The following UNC5C variants were observed in gnomAD, a reference collection of about 807,000 sequenced individuals.
UNC5C encodes netrin receptor UNC5C.
A neutral mutation model predicts 99.8 loss-of-function variants in UNC5C; 47 were observed. The ratio of observed to expected loss-of-function variants is 0.47; its 90% confidence interval spans 0.37 to 0.60. The LOEUF (loss-of-function observed/expected upper bound fraction) is 0.60. Ranked by LOEUF, UNC5C falls within the 20% of genes least tolerant of loss-of-function variation. The probability of loss-of-function intolerance (pLI) is 0.00; values close to 1 mark genes in which losing one functional copy is unlikely to be tolerated. For synonymous variants in UNC5C, 487 were observed against 452.2 expected (o/e 1.08, Z -0.98); for missense variants, 1,062 against 1,165.9 (o/e 0.91, Z 1.30).
At chr4:95,516,412 C>T (rs1355215279) in intron 1 of UNC5C, among the ~76,000 whole-genome samples, 1 of 152,138 alleles carries the variant, frequency 6.6e-6, no homozygotes, top group African/African-American at 2.4e-5. Context: ...ATATGCTGAG[C>T]ACTGAGTGTC....
chr4:95,526,574 A>G (rs1451588698), intron 1 of UNC5C, among the ~76,000 whole-genome samples: 1 of 152,104 alleles, frequency 6.6e-6, no homozygotes, highest in African/African-American at 2.4e-5. Flanking sequence ...TAAGTAATAC[A>G]AATGTCTCAT....
intron 4 of UNC5C, among the ~76,000 whole-genome samples, chr4:95,265,089 C>T (rs1740393496): frequency 1.3e-5 from 2 of 152,078 alleles, no homozygotes; most frequent in Non-Finnish European, 2.9e-5. Context: ...GACAAAGGGC[C>T]CAAGAATCAG....
chr4:95,221,847 G>T (rs577316496), intron 7 of UNC5C, among the ~76,000 whole-genome samples: 3 of 152,102 alleles, frequency 2.0e-5, no homozygotes, highest in Non-Finnish European at 4.4e-5. Context: ...TACTTTACCA[G>T]GTCATAGTTA....
chr4:95,522,467 A>T (rs1722385538), intron 1 of UNC5C, among the ~76,000 whole-genome samples: 1 of 152,062 alleles, frequency 6.6e-6, no homozygotes, highest in African/African-American at 2.4e-5. Flanking sequence ...GTTTGGGAGG[A>T]AGAGAGGGAG....
At chr4:95,421,916 TAC>T (rs1746330345) in intron 1 of UNC5C, among the ~76,000 whole-genome samples, 1 of 152,212 alleles carries the variant, frequency 6.6e-6, no homozygotes, top group South Asian at 2.1e-4. Flanking sequence ...AATACTTTAC[TAC>T]TAAGACAGGA....
Position 95,165,552 on chromosome 4 carries a change from A to G in UNC5C, c.*3682T>C, listed in dbSNP as rs1735827432. 1 of 152,192 alleles carries G rather than the reference A, an allele frequency of 6.6e-6. No individual in the cohort carries two copies. Among genetic ancestry groups the G allele is most frequent in the African/African-American group, 2.4e-5 (1 of 41,456 alleles). The allele number at this position is 152,192 out of a possible 1,614,324, so 9.4% of individuals were successfully genotyped here. ...AATCCAACTTCTATTCCTTCCAGAT[A>G]CATTAAGGAAACTTGAAAGAGTGTG... On this transcript the variant is annotated 3_prime_UTR_variant, in exon 16 of 16. Coordinates refer to ENST00000453304, the MANE Select transcript of UNC5C (RefSeq NM_003728.4).
rs559771140 is a variant in UNC5C, at chr4:95,412,027, G to T, written c.125-76396C>A. The stretch of plus-strand genomic sequence containing the variant: ...AAAACCTAATTCTAGTCATGTCAGT[G>T]TCTGCTTTAAATCTGACCTATTTCT... On this transcript the variant is annotated intron_variant, in intron 1 of 15. Transcript: ENST00000453304. Among the ~76,000 whole-genome samples the T allele has an allele frequency of 2.7e-5, 4 of 147,580 alleles. No individual in the cohort carries two copies. The East Asian group carries it at 7.9e-4, about 29-fold the overall frequency.
chr4:95,349,757 G>A (rs1213099841), intron 1 of UNC5C, among the ~76,000 whole-genome samples: 1 of 151,926 alleles, frequency 6.6e-6, no homozygotes, highest in African/African-American at 2.4e-5. Context: ...GTACTTGTAA[G>A]TATAATGTGT....
intron 10 of UNC5C, among the ~76,000 whole-genome samples, chr4:95,207,324 T>G (rs13103353): frequency 0.069 from 10,570 of 152,288 alleles, 490 homozygotes; most frequent in Non-Finnish European, 0.11. Flanking sequence ...AGATTCATTC[T>G]TTCAAATATG....
At chr4:95,265,504 G>A (rs754366200) in intron 4 of UNC5C, among the ~76,000 whole-genome samples, 4 of 152,118 alleles carry the variant, frequency 2.6e-5, no homozygotes, top group Non-Finnish European at 4.4e-5. Context: ...TATGAAGTGT[G>A]TATAAATAAT....
At chr4:95,228,409 A>G (rs1738774677) in intron 7 of UNC5C, among the ~76,000 whole-genome samples, 1 of 152,250 alleles carries the variant, frequency 6.6e-6, no homozygotes. Context: ...GAGAAATGTC[A>G]TAACTTCTGA....
At chr4:95,301,454 C>T in intron 3 of UNC5C, 152 bp downstream of exon 3, 3 of 1,009,298 alleles carry the variant, frequency 3.0e-6, no homozygotes, top group Non-Finnish European at 4.2e-6. Flanking sequence ...CTCGGCCTCC[C>T]AAAGTGCTGG....
chr4:95,414,476 G>C (rs185831460), intron 1 of UNC5C, among the ~76,000 whole-genome samples: 1 of 152,276 alleles, frequency 6.6e-6, no homozygotes, highest in Admixed American at 6.5e-5. Flanking sequence ...GGCAATGGGA[G>C]GTCTTACCTG....
chr4:95,457,816 G>T lies in UNC5C; in HGVS notation c.124+90918C>A, dbSNP rs188866662. On this transcript the variant is annotated intron_variant, in intron 1 of 15. Coordinates refer to ENST00000453304, the MANE Select transcript of UNC5C (RefSeq NM_003728.4). ...CAGCGAATTCTGCTTTACAACACAA[G>T]AAACTGAATTCTGTCTACAACCACA... Among the ~76,000 whole-genome samples, 130 of 152,212 alleles carry T rather than the reference G, an allele frequency of 8.5e-4. 1 individual carries two copies. Among genetic ancestry groups the T allele is most frequent in the Non-Finnish European group, 1.6e-3 (110 of 68,000 alleles).
At chr4:95,191,382 T>C (rs1214741807) in intron 12 of UNC5C, among the ~76,000 whole-genome samples, 1 of 152,136 alleles carries the variant, frequency 6.6e-6, no homozygotes, top group African/African-American at 2.4e-5. Context: ...TATTAGAGTA[T>C]GACAAGTCTG....
chr4:95,389,957 T>G (rs755135984), intron 1 of UNC5C, among the ~76,000 whole-genome samples: 102 of 152,154 alleles, frequency 6.7e-4, no homozygotes, highest in Non-Finnish European at 1.3e-3. Flanking sequence ...TAGTGCCCAT[T>G]ATGGTTCTAT....
rs869165569 is a variant in UNC5C at position 95,356,213 on chromosome 4, C to CA, written c.125-20583dup. ...TGTAGCAAAAAAAAAAAAAAAAAAA[C>CA]AAAACAAAAAAAAAACAGATTCCTC... On this transcript the variant is annotated intron_variant, in intron 1 of 15. Transcript: ENST00000453304. 2.6e-4 allele frequency among the ~76,000 whole-genome samples: 20 copies of CA among 78,170 alleles called. 1 individual carries two copies. The highest frequency in any genetic ancestry group is 4.3e-4 in the Admixed American group (3 of 6,988). The allele number at this position is 78,170 out of a possible 152,430, so 51.3% of individuals were successfully genotyped here.
intron 4 of UNC5C, among the ~76,000 whole-genome samples, chr4:95,268,406 A>G (rs375031037): frequency 6.8e-4 from 103 of 152,366 alleles, no homozygotes; most frequent in African/African-American, 2.3e-3. Context: ...GGAAAGACCA[A>G]TTAAATTCTT....
chr4:95,410,574 ATGC>A (rs1398411101), intron 1 of UNC5C, among the ~76,000 whole-genome samples: 1 of 152,184 alleles, frequency 6.6e-6, no homozygotes, highest in East Asian at 1.9e-4. Flanking sequence ...CAGGCAAAAG[ATGC>A]TGCTACCGCC....
Sources: gnomAD v4.1 joint callset for allele counts (sites outside exome capture counted in the v4.1 genomes callset) on GRCh38, gnomAD v4.1.1 for gene constraint, MANE v1.5 for transcripts, NCBI Gene and HGNC (gene_info 2026-07-23, HGNC 2026-07-21) for gene names.